Variants in CTNND2 observed in about 807,000 individuals in gnomAD.
CTNND2 encodes catenin delta-2.
Under a neutral mutation model 144.4 loss-of-function variants are expected in CTNND2, and 22 were observed. That is an observed-to-expected ratio of 0.15 (90% CI 0.11 to 0.22). CTNND2 has a LOEUF of 0.22. Among genes scored for constraint, CTNND2 ranks in the 10% least tolerant of loss-of-function variants. The pLI is 1.00. For synonymous variants in CTNND2, 751 were observed against 695.6 expected (o/e 1.08, Z -1.25); for missense variants, 1,353 against 1,618.8 (o/e 0.84, Z 2.82).
chr5:11,539,285 C>T (rs906092256), intron 3 of CTNND2, among the ~76,000 whole-genome samples: 5 of 152,136 alleles, frequency 3.3e-5, no homozygotes, highest in South Asian at 4.1e-4. Flanking sequence ...GGGTGACTGA[C>T]GCCTGTCACC....
chr5:11,220,062 A>G, intron 10 of CTNND2, among the ~76,000 whole-genome samples: 1 of 152,282 alleles, frequency 6.6e-6, no homozygotes, highest in Admixed American at 6.5e-5. Context: ...CTATTTTATC[A>G]TTTGTAAACG....
intron 12 of CTNND2, among the ~76,000 whole-genome samples, chr5:11,137,171 G>C (rs1177501262): frequency 1.3e-5 from 2 of 152,196 alleles, no homozygotes; most frequent in African/African-American, 4.8e-5. Flanking sequence ...ACTTATTCCA[G>C]ATTGGTCTGG....
At chr5:11,146,089 T>A (rs10066098) in intron 12 of CTNND2, among the ~76,000 whole-genome samples, 1 of 151,976 alleles carries the variant, frequency 6.6e-6, no homozygotes, top group African/African-American at 2.4e-5. Flanking sequence ...TTTAATGACA[T>A]TAAGTATCCC....
At chr5:11,440,966 G>A (rs31832) in intron 3 of CTNND2, among the ~76,000 whole-genome samples, 35,014 of 152,104 alleles carry the variant, frequency 0.23, 7,922 homozygotes, top group African/African-American at 0.59. Context: ...CTTTCACAAA[G>A]AGATATAAAC....
At chr5:11,641,631 CGT>C (rs758538201) in intron 2 of CTNND2, among the ~76,000 whole-genome samples, 38 of 137,552 alleles carry the variant, frequency 2.8e-4, no homozygotes, top group Admixed American at 7.1e-4. Flanking sequence ...TATACATATA[CGT>C]GTGTGTATAT....
chr5:11,660,035 T>C (rs907742617), intron 2 of CTNND2, among the ~76,000 whole-genome samples: 1 of 152,154 alleles, frequency 6.6e-6, no homozygotes, highest in Non-Finnish European at 1.5e-5. Context: ...CTTCTTTAGC[T>C]GTCAATAAAG....
intron 3 of CTNND2, among the ~76,000 whole-genome samples, chr5:11,541,963 T>C (rs866739794): frequency 6.6e-6 from 1 of 150,776 alleles, no homozygotes; most frequent in East Asian, 2.0e-4. Flanking sequence ...CACAGACCAC[T>C]ATAATATCTA....
At chr5:11,877,237 T>C (rs1293762809) in intron 1 of CTNND2, among the ~76,000 whole-genome samples, 1 of 152,150 alleles carries the variant, frequency 6.6e-6, no homozygotes, top group Non-Finnish European at 1.5e-5. Flanking sequence ...CTGATTTTCA[T>C]CTTTCTTTCA....
chr5:11,666,754 T>C (rs1012168875), intron 2 of CTNND2, among the ~76,000 whole-genome samples: 12 of 152,098 alleles, frequency 7.9e-5, no homozygotes, highest in African/African-American at 1.9e-4. Flanking sequence ...ATTGAGAGAA[T>C]CTGATTTCTT....
At chr5:11,042,933 CTTCT>C (rs1458429984) in intron 16 of CTNND2, among the ~76,000 whole-genome samples, 1 of 152,148 alleles carries the variant, frequency 6.6e-6, no homozygotes, top group African/African-American at 2.4e-5. Flanking sequence ...AGGAGGTAAT[CTTCT>C]TTCTTAGATG....
At chr5:11,459,205 C>G (rs898563453) in intron 3 of CTNND2, among the ~76,000 whole-genome samples, 5 of 152,048 alleles carry the variant, frequency 3.3e-5, no homozygotes, top group African/African-American at 9.7e-5. Context: ...GTTATATTAC[C>G]ATTTACAGAG....
intron 1 of CTNND2, among the ~76,000 whole-genome samples, chr5:11,890,410 TA>T (rs1409736234): frequency 6.6e-6 from 1 of 152,148 alleles, no homozygotes; most frequent in African/African-American, 2.4e-5. Flanking sequence ...AAAAGCACTA[TA>T]TTACACCTGT....
At chr5:11,210,300 A>C (rs1738497110) in intron 10 of CTNND2, among the ~76,000 whole-genome samples, 3 of 152,200 alleles carry the variant, frequency 2.0e-5, no homozygotes, top group Admixed American at 1.3e-4. Flanking sequence ...CAGGAGGCTG[A>C]GGAATGGGGA....
At position 11,385,190 on chromosome 5, in the gene CTNND2, G is replaced by T; in HGVS notation, c.652C>A (p.Pro218Thr). ...GGCGGCGGCGGCGGCGGCGGCGCGGGCTCGGGCCCCGCCAGGTGGCCGGCG... is the reference window on the plus strand; with the variant it reads ...GGCGGCGGCGGCGGCGGCGGCGCGGTCTCGGGCCCCGCCAGGTGGCCGGCG... ...SRAGHLAGPEPAPPPPPPPRE... is the reference protein window; with the variant it reads ...SRAGHLAGPETAPPPPPPPRE... Residue 218 changes from proline to threonine, a missense_variant, in exon 7 of 22, where the codon CCC becomes ACC. Around this residue, in one of 4 missense-constraint regions of CTNND2, gnomAD observed 708 missense variants for 706.4 expected, o/e 1.00. Transcript: ENST00000304623. 9.5e-7 allele frequency: 1 copy of T among 1,051,428 alleles called. No homozygotes were observed. The highest frequency in any genetic ancestry group is 1.1e-6 in the Non-Finnish European group (1 of 874,628). 65.1% of individuals were successfully genotyped at this position (1,051,428 alleles called of 1,614,324 possible).
intron 16 of CTNND2, among the ~76,000 whole-genome samples, chr5:11,033,641 C>T (rs977787283): frequency 6.6e-6 from 1 of 151,926 alleles, no homozygotes; most frequent in East Asian, 1.9e-4. Flanking sequence ...CCAGCTTGGC[C>T]AACATGGTGA....
chr5:11,657,440 T>C (rs929873646), intron 2 of CTNND2, among the ~76,000 whole-genome samples: 1 of 152,130 alleles, frequency 6.6e-6, no homozygotes, highest in Non-Finnish European at 1.5e-5. Flanking sequence ...TTTCCTTCCT[T>C]CTTCTTTCTC....
chr5:11,202,339 A>G (rs1049691154), intron 10 of CTNND2, among the ~76,000 whole-genome samples: 3 of 152,204 alleles, frequency 2.0e-5, no homozygotes, highest in Non-Finnish European at 4.4e-5. Context: ...CTAAAATGAA[A>G]ACACAATGTT....
chr5:11,746,907 T>C (rs992816730), intron 1 of CTNND2, among the ~76,000 whole-genome samples: 3 of 152,166 alleles, frequency 2.0e-5, no homozygotes, highest in African/African-American at 7.2e-5. Context: ...CAAACATAAA[T>C]ATTCAATATG....
chr5:11,652,344 C>T (rs1293930526), intron 2 of CTNND2, among the ~76,000 whole-genome samples: 1 of 152,138 alleles, frequency 6.6e-6, no homozygotes, highest in Non-Finnish European at 1.5e-5. Flanking sequence ...CCCAGCCATA[C>T]TTCTTGTACA....
Sources: gnomAD v4.1 joint callset for allele counts (sites outside exome capture counted in the v4.1 genomes callset) on GRCh38, gnomAD v4.1.1 for gene constraint, gnomAD v4.1.1 regional missense constraint, MANE v1.5 for transcripts, NCBI Gene and HGNC (gene_info 2026-07-23, HGNC 2026-07-21) for gene names.